FMN2: variants seen among roughly 807,000 people sequenced by gnomAD.
The protein encoded by FMN2 is formin-2.
Under a neutral mutation model 142.3 loss-of-function variants are expected in FMN2, and 51 were observed. The ratio of observed to expected loss-of-function variants is 0.36; its 90% CI spans 0.29 to 0.45. FMN2 has a LOEUF of 0.45. Among genes scored for constraint, FMN2 ranks in the 20% least tolerant of loss-of-function variants. The pLI, the probability that FMN2 is intolerant of heterozygous loss-of-function variation, is 1.00. For missense variants in FMN2, 1,936 were observed against 2,122.8 expected, an observed-to-expected ratio of 0.91 and a Z score of 1.73; for synonymous variants, 882 against 869.8, an observed-to-expected ratio of 1.01 and a Z score of -0.25.
At chr1:240,442,144 T>A (rs898266479) in intron 16 of FMN2, among the ~76,000 whole-genome samples, 2 of 152,184 alleles carry the variant, frequency 1.3e-5, no homozygotes, top group Non-Finnish European at 2.9e-5. Flanking sequence ...TCTCCTCCTT[T>A]TTCCTCTTCT....
intron 17 of FMN2, 80 bp downstream of exon 17, chr1:240,472,533 T>C (rs1676845763): frequency 3.5e-6 from 3 of 866,962 alleles, no homozygotes; most frequent in Non-Finnish European, 5.2e-6. Context: ...ACTCATAATA[T>C]TTTAATTATT....
At chr1:240,225,908 G>A (rs1667280674) in intron 6 of FMN2, among the ~76,000 whole-genome samples, 1 of 152,012 alleles carries the variant, frequency 6.6e-6, no homozygotes, top group South Asian at 2.1e-4. Context: ...ACCAAAATGG[G>A]AAAAAATTAC....
intron 13 of FMN2, among the ~76,000 whole-genome samples, chr1:240,355,437 G>T (rs901018519): frequency 6.6e-6 from 1 of 152,154 alleles, no homozygotes; most frequent in East Asian, 1.9e-4. Context: ...ACTCTGTGCC[G>T]GGCATTATTC....
chr1:240,294,605 G>T (rs1572163805), intron 7 of FMN2, among the ~76,000 whole-genome samples: 1 of 152,168 alleles, frequency 6.6e-6, no homozygotes, highest in South Asian at 2.1e-4. Context: ...CCATTTTCAT[G>T]GGATTTAGTA....
intron 15 of FMN2, among the ~76,000 whole-genome samples, chr1:240,411,243 A>G (rs1446433434): frequency 6.6e-6 from 1 of 152,186 alleles, no homozygotes; most frequent in Non-Finnish European, 1.5e-5. Context: ...GAATTACTTC[A>G]TTGTCTTTTA....
intron 8 of FMN2, among the ~76,000 whole-genome samples, chr1:240,318,094 C>T (rs926843064): frequency 1.3e-5 from 2 of 152,174 alleles, no homozygotes; most frequent in Admixed American, 1.3e-4. Context: ...TTGAGTTGCT[C>T]ATTTGCGCCA....
At chr1:240,293,975 G>A (rs1669880244) in intron 7 of FMN2, among the ~76,000 whole-genome samples, 2 of 152,080 alleles carry the variant, frequency 1.3e-5, no homozygotes, top group Admixed American at 6.6e-5. Flanking sequence ...AATATATCCA[G>A]TTTGTGATTA....
chr1:240,150,377 A>ATCAG (rs71170707), intron 2 of FMN2, among the ~76,000 whole-genome samples: 69,441 of 151,634 alleles, frequency 0.46, 17,086 homozygotes, highest in South Asian at 0.65. Context: ...GAAACAAGAC[A>ATCAG]TCCATCCCAT....
rs12024019 is a variant in FMN2 at position 240,261,022 on chromosome 1, T to G, written c.4153+2990T>G. ...GTTGAATAAAGTGTCCCTTCCTCACTTTATGTTTTTGTTTGCTTTGTCAAA... is the reference window on the plus strand; with the variant it reads ...GTTGAATAAAGTGTCCCTTCCTCACGTTATGTTTTTGTTTGCTTTGTCAAA... On this transcript the variant is annotated intron_variant, in intron 7 of 17. Coordinates refer to ENST00000319653, the MANE Select transcript of FMN2 (RefSeq NM_020066.5). 2.0e-4 allele frequency among the ~76,000 whole-genome samples: 30 copies of G among 152,326 alleles called. No homozygotes were observed. In the East Asian group the frequency reaches 5.8e-3, roughly 29 times the overall value.
At position 240,150,175 on chromosome 1, in the gene FMN2, T is replaced by C. The variant is rs189046572; in HGVS notation, c.1782+26830T>C. On this transcript the variant is annotated intron_variant, in intron 2 of 17. Transcript: ENST00000319653. ...ATGATTAACCCTTATTGAAATATGT[T>C]TTCACTTTTAAGGATTTGAACAAAA... 3.3e-5 allele frequency among the ~76,000 whole-genome samples: 5 copies of C among 152,334 alleles called. No individual in the cohort carries two copies. The East Asian group carries it at 9.6e-4, about 29-fold the overall frequency.
At chr1:240,426,865 G>A (rs12085096) in intron 15 of FMN2, among the ~76,000 whole-genome samples, 15,265 of 151,428 alleles carry the variant, frequency 0.1, 2,599 homozygotes, top group African/African-American at 0.35. Flanking sequence ...CAGCCTCCCA[G>A]GTAGCTGGGA....
intron 6 of FMN2, among the ~76,000 whole-genome samples, chr1:240,221,573 G>GA (rs1558375851): frequency 6.6e-6 from 1 of 151,448 alleles, no homozygotes; most frequent in East Asian, 1.9e-4. Flanking sequence ...TTGTTTGTTT[G>GA]TTTTTTTTCT....
intron 1 of FMN2, among the ~76,000 whole-genome samples, chr1:240,121,259 G>A (rs576904046): frequency 2.0e-5 from 3 of 152,258 alleles, no homozygotes; most frequent in East Asian, 1.9e-4. Context: ...GCCTGAGCCC[G>A]GCTTCCAGCA....
chr1:240,244,470 G>A (rs975357842), intron 6 of FMN2, among the ~76,000 whole-genome samples: 19 of 152,090 alleles, frequency 1.2e-4, no homozygotes, highest in Admixed American at 9.8e-4. Context: ...TTAAACTTCC[G>A]AATTAGCAAT....
intron 16 of FMN2, among the ~76,000 whole-genome samples, chr1:240,453,547 A>G (rs1676128846): frequency 6.6e-6 from 1 of 152,166 alleles, no homozygotes; most frequent in African/African-American, 2.4e-5. Flanking sequence ...AATTACTACT[A>G]TTATTATAAA....
intron 15 of FMN2, among the ~76,000 whole-genome samples, chr1:240,417,990 T>C (rs1674634193): frequency 6.6e-6 from 1 of 152,120 alleles, no homozygotes; most frequent in African/African-American, 2.4e-5. Flanking sequence ...CACTTCACCT[T>C]ATAATCCTCT....
At chr1:240,252,945 C>G (rs1668325295) in intron 6 of FMN2, among the ~76,000 whole-genome samples, 1 of 55,360 alleles carries the variant, frequency 1.8e-5, no homozygotes, top group South Asian at 5.4e-4. Flanking sequence ...GTGATGTAGT[C>G]TTGTTCACTT....
chr1:240,441,362 C>A (rs1304176695), intron 16 of FMN2, among the ~76,000 whole-genome samples: 1 of 152,080 alleles, frequency 6.6e-6, no homozygotes, highest in East Asian at 1.9e-4. Context: ...TGCCCTGGGA[C>A]ATGGATAGGA....
intron 7 of FMN2, among the ~76,000 whole-genome samples, chr1:240,259,372 G>A (rs1270671630): frequency 5.9e-5 from 9 of 152,054 alleles, no homozygotes; most frequent in Admixed American, 2.6e-4. Flanking sequence ...AACATGCAAC[G>A]CTAGCAATAA....
Sources: gnomAD v4.1 joint callset for allele counts (sites outside exome capture counted in the v4.1 genomes callset) on GRCh38, gnomAD v4.1.1 for gene constraint, MANE v1.5 for transcripts, NCBI Gene and HGNC (gene_info 2026-07-23, HGNC 2026-07-21) for gene names.